EDNRB: variants seen among roughly 807,000 people sequenced by gnomAD.
EDNRB encodes the protein endothelin receptor type B, also known as Hirschsprung disease 2.
Under a neutral mutation model 46.4 loss-of-function variants are expected in EDNRB, and 18 were observed. That is an observed-to-expected ratio of 0.39 (90% CI 0.27 to 0.57). The LOEUF is 0.57. Ranked by LOEUF, EDNRB falls within the 20% of genes least tolerant of loss-of-function variation. EDNRB has a pLI of 0.61. For missense variants in EDNRB, 434 were observed against 537.5 expected (o/e 0.81, Z 1.90); for synonymous variants, 213 against 204.9 (o/e 1.04, Z -0.34).
At chr13:77,972,060 C>G (rs1881752043) in intron 1 of EDNRB, among the ~76,000 whole-genome samples, 1 of 152,220 alleles carries the variant, frequency 6.6e-6, no homozygotes, top group African/African-American at 2.4e-5. Context: ...TCGTGAGAGA[C>G]ATGAAGTGAA....
intron 1 of EDNRB, among the ~76,000 whole-genome samples, chr13:77,956,326 T>C (rs903329800): frequency 1.3e-5 from 2 of 152,224 alleles, no homozygotes; most frequent in African/African-American, 2.4e-5. Context: ...GTGTCATTTT[T>C]AGTGTACAAA....
intron 1 of EDNRB, among the ~76,000 whole-genome samples, chr13:77,903,841 A>G (rs1179717009): frequency 6.6e-6 from 1 of 151,978 alleles, no homozygotes; most frequent in Non-Finnish European, 1.5e-5. Flanking sequence ...ATGCGTATAC[A>G]GTAGCTTAGA....
intron 1 of EDNRB, among the ~76,000 whole-genome samples, chr13:77,965,236 T>C (rs1398125203): frequency 6.6e-6 from 1 of 152,208 alleles, no homozygotes; most frequent in African/African-American, 2.4e-5. Flanking sequence ...CTTACTCCAC[T>C]ATTAGCTGTA....
chr13:77,924,726 T>A (rs1880184227), upstream of EDNRB, among the ~76,000 whole-genome samples: 1 of 152,186 alleles, frequency 6.6e-6, no homozygotes. Flanking sequence ...TCTCCCATAA[T>A]TCCCATGTAT....
intron 1 of EDNRB, among the ~76,000 whole-genome samples, chr13:77,974,550 AC>A (rs1830831027): frequency 6.6e-6 from 1 of 151,956 alleles, no homozygotes; most frequent in Non-Finnish European, 1.5e-5. Flanking sequence ...AATAGGGTAC[AC>A]TTTTTTTCTT....
rs547528455 is a variant in EDNRB at position 77,908,377 on chromosome 13, A to G, written c.484-4770T>C. Among the ~76,000 whole-genome samples, 18 of 151,148 alleles carry G rather than the reference A, an allele frequency of 1.2e-4. No individual in the cohort carries two copies. The South Asian group carries it at 3.6e-3, about 30-fold the overall frequency. ...TTAGGCAAGCTAGTGCTTGAAGCTT[A>G]CCTAAAATATAAAGGTATCCCTGGT... On this transcript the variant is annotated intron_variant, in intron 1 of 6. Coordinates refer to ENST00000646607, the MANE Select transcript of EDNRB (RefSeq NM_001122659.3).
intron 1 of EDNRB, among the ~76,000 whole-genome samples, chr13:77,915,132 A>T (rs1201813103): frequency 6.6e-6 from 1 of 152,166 alleles, no homozygotes; most frequent in Non-Finnish European, 1.5e-5. Flanking sequence ...ATCATACCTG[A>T]CTACTCTGAA....
chr13:77,935,934 C>T (rs2137658982), intron 1 of EDNRB, among the ~76,000 whole-genome samples: 1 of 152,234 alleles, frequency 6.6e-6, no homozygotes, highest in Non-Finnish European at 1.5e-5. Context: ...CCTGAACTAA[C>T]CTGTAAGGCT....
At chr13:77,951,558 A>C (rs1367835922) in intron 1 of EDNRB, among the ~76,000 whole-genome samples, 2 of 152,220 alleles carry the variant, frequency 1.3e-5, no homozygotes, top group Admixed American at 6.5e-5. Context: ...AAGTCTCCTG[A>C]AAATGACAGT....
In EDNRB at chr13:77,897,588, G is replaced by A. The variant is rs201815521; in HGVS notation, c.*612C>T. The A allele has an allele frequency of 2.5e-5, 25 of 985,484 alleles. No homozygotes were observed. Among genetic ancestry groups the A allele is most frequent in the Non-Finnish European group, 3.0e-5 (25 of 830,076 alleles). 61.0% of individuals were successfully genotyped at this position (985,484 alleles called of 1,614,324 possible). ...GCTGAGGTTTGGGCTTCTAGTGAAA[G>A]TGTAATGATTTTCAAAAACAGCCTT... On this transcript the variant is annotated 3_prime_UTR_variant, in exon 7 of 7. Coordinates refer to ENST00000646607, the MANE Select transcript of EDNRB (RefSeq NM_001122659.3).
At chr13:77,926,742 C>T (rs1437296925) in intron 1 of EDNRB, among the ~76,000 whole-genome samples, 3 of 152,348 alleles carry the variant, frequency 2.0e-5, no homozygotes, top group African/African-American at 7.2e-5. Flanking sequence ...CAATGCCCCA[C>T]TCTGCTGTTA....
chr13:77,900,355 C>A (rs2296281), intron 5 of EDNRB, among the ~76,000 whole-genome samples, 166 bp downstream of exon 5: 2 of 151,858 alleles, frequency 1.3e-5, no homozygotes, highest in Non-Finnish European at 2.9e-5. Flanking sequence ...TCATACCCCC[C>A]CTTCCCTGTC....
intron 1 of EDNRB, among the ~76,000 whole-genome samples, chr13:77,929,218 T>C (rs1054288137): frequency 6.6e-6 from 1 of 152,198 alleles, no homozygotes; most frequent in African/African-American, 2.4e-5. Context: ...TTGTTTTGAT[T>C]ATTAGAAATC....
At chr13:77,956,852 T>G (rs1041861833) in intron 1 of EDNRB, among the ~76,000 whole-genome samples, 7 of 152,236 alleles carry the variant, frequency 4.6e-5, no homozygotes, top group African/African-American at 1.4e-4. Flanking sequence ...GACATTGTCT[T>G]CTGCCTATCT....
At chr13:77,951,433 A>G (rs1441020051) in intron 1 of EDNRB, among the ~76,000 whole-genome samples, 2 of 152,316 alleles carry the variant, frequency 1.3e-5, no homozygotes, top group Admixed American at 1.3e-4. Flanking sequence ...TCAAATCTCA[A>G]TCAGCAATTT....
chr13:77,968,812 A>G (rs1340451695), intron 1 of EDNRB, among the ~76,000 whole-genome samples: 1 of 152,172 alleles, frequency 6.6e-6, no homozygotes, highest in African/African-American at 2.4e-5. Context: ...ATTCTGATAC[A>G]CAGGCAAAAT....
At chr13:77,952,785 T>C (rs1881128666) in intron 1 of EDNRB, among the ~76,000 whole-genome samples, 1 of 152,212 alleles carries the variant, frequency 6.6e-6, no homozygotes, top group Non-Finnish European at 1.5e-5. Context: ...GGGGCCCTTG[T>C]ATTGCTCTGT....
chr13:77,967,313 C>A (rs1881609954), intron 1 of EDNRB, among the ~76,000 whole-genome samples: 1 of 152,128 alleles, frequency 6.6e-6, no homozygotes, highest in African/African-American at 2.4e-5. Context: ...GCCAGGAGTG[C>A]CACATGACTC....
chr13:77,919,249 T>A (rs1413272170), upstream of EDNRB: 9 of 844,208 alleles, frequency 1.1e-5, no homozygotes, highest in Non-Finnish European at 1.6e-5. Flanking sequence ...ACACTCGCGC[T>A]CCTTCCTTTA....
Sources: allele counts gnomAD v4.1 joint callset (sites outside exome capture counted in the v4.1 genomes callset), GRCh38; gene constraint gnomAD v4.1.1; transcripts MANE v1.5; gene names NCBI Gene and HGNC (gene_info 2026-07-23, HGNC 2026-07-21).